NELL1: variants seen among roughly 807,000 people sequenced by gnomAD.
NELL1 encodes neural EGFL like 1, also known as protein kinase C-binding protein NELL1.
A neutral mutation model predicts 107.4 loss-of-function variants in NELL1; 76 were observed. The ratio of observed to expected loss-of-function variants is 0.71; its 90% CI spans 0.59 to 0.86. The LOEUF is 0.86. Ranked by LOEUF, NELL1 falls within the 40% of genes least tolerant of loss-of-function variation. NELL1 has a pLI of 0.00. For missense variants in NELL1, 1,024 were observed against 1,005.5 expected, an observed-to-expected ratio of 1.02 and a Z score of -0.25; for synonymous variants, 353 against 341.2, an observed-to-expected ratio of 1.03 and a Z score of -0.38.
chr11:20,705,250 T>C (rs1219972262), intron 2 of NELL1, among the ~76,000 whole-genome samples: 1 of 152,194 alleles, frequency 6.6e-6, no homozygotes, highest in African/African-American at 2.4e-5. Flanking sequence ...TCACGCTACC[T>C]GACTTCAAAC....
intron 15 of NELL1, among the ~76,000 whole-genome samples, chr11:21,421,600 C>G (rs762340697): frequency 6.6e-6 from 1 of 152,022 alleles, no homozygotes; most frequent in African/African-American, 2.4e-5. Flanking sequence ...CACGTCCCCA[C>G]CCCACAGCAT....
At chr11:20,955,763 T>C (rs552505187) in intron 11 of NELL1, among the ~76,000 whole-genome samples, 1 of 152,228 alleles carries the variant, frequency 6.6e-6, no homozygotes, top group East Asian at 1.9e-4. Flanking sequence ...TTATCATTAT[T>C]ATTTAATAAC....
chr11:21,560,312 A>T lies in NELL1; in HGVS notation c.1910A>T (p.Glu637Val). 7 of 1,613,084 alleles carry T rather than the reference A, an allele frequency of 4.3e-6. No homozygotes were observed. Among genetic ancestry groups the T allele is most frequent in the Non-Finnish European group, 5.9e-6 (7 of 1,179,548 alleles). ...GPSCSGDCPH[E>V]GGLKHNGQVW... ...TCCTGCTCTGGTGACTGTCCTCATG[A>T]AGGGGGGCTGAAGCACAATGGCCAG... Residue 637 changes from glutamate (E) to valine (V), a missense_variant, in exon 17 of 20, where the codon GAA (glutamate) becomes GTA (valine). Physicochemically the swap from Glu to Val is moderately radical, Grantham distance 121 (BLOSUM62 -2). Coordinates refer to ENST00000357134, the MANE Select transcript of NELL1 (RefSeq NM_006157.5).
intron 4 of NELL1, among the ~76,000 whole-genome samples, chr11:20,885,001 C>T (rs1485195543): frequency 6.6e-6 from 1 of 152,164 alleles, no homozygotes; most frequent in Admixed American, 6.5e-5. Context: ...AAACCGAAGT[C>T]GGAGAATAGC....
In NELL1 at chr11:21,502,973, C is replaced by T. The variant is rs568320064; in HGVS notation, c.1646-31401C>T. On this transcript the variant is annotated intron_variant, in intron 15 of 19. Coordinates refer to ENST00000357134, the MANE Select transcript of NELL1 (RefSeq NM_006157.5). ...TCTAGGCTCACCACAACTTCCGCCT[C>T]CCGGGTTCAAGTGATTCTCCTGCCT... Among the ~76,000 whole-genome samples, 9 of 152,262 alleles carry T rather than the reference C, an allele frequency of 5.9e-5. No individual in the cohort carries two copies. In the South Asian group the frequency reaches 1.9e-3, roughly 32 times the overall value.
chr11:20,929,041 C>T (rs1564971925), intron 9 of NELL1, among the ~76,000 whole-genome samples: 1 of 152,198 alleles, frequency 6.6e-6, no homozygotes, highest in Admixed American at 6.5e-5. Flanking sequence ...CTCACAGCAA[C>T]TCTTTAGGGA....
intron 13 of NELL1, among the ~76,000 whole-genome samples, chr11:21,135,046 T>A (rs1198829303): frequency 6.6e-6 from 1 of 152,208 alleles, no homozygotes; most frequent in Non-Finnish European, 1.5e-5. Context: ...ATTATTATAA[T>A]TTCTGTTATT....
intron 4 of NELL1, among the ~76,000 whole-genome samples, chr11:20,848,315 A>T (rs1007200043): frequency 8.6e-5 from 13 of 152,032 alleles, no homozygotes; most frequent in Non-Finnish European, 1.5e-4. Flanking sequence ...TTGTCAGGGG[A>T]TGGTGGGACC....
intron 15 of NELL1, among the ~76,000 whole-genome samples, chr11:21,482,790 C>T (rs1020728002): frequency 3.2e-4 from 49 of 151,226 alleles, no homozygotes; most frequent in Admixed American, 1.5e-3. Context: ...TGTGACAGTG[C>T]CTTTCCTTTT....
chr11:21,036,167 A>T (rs1404482868), intron 12 of NELL1, among the ~76,000 whole-genome samples: 2 of 152,176 alleles, frequency 1.3e-5, no homozygotes, highest in Admixed American at 6.5e-5. Flanking sequence ...ACCTAGGAAT[A>T]CAGCTAACCA....
intron 1 of NELL1, chr11:20,674,705 C>A: frequency 1.6e-6 from 1 of 638,726 alleles, no homozygotes; most frequent in South Asian, 1.9e-5. Flanking sequence ...GTTGTTTCCA[C>A]AATACTTTCT....
At chr11:21,542,360 C>T (rs149005294) in intron 16 of NELL1, among the ~76,000 whole-genome samples, 5 of 152,086 alleles carry the variant, frequency 3.3e-5, no homozygotes, top group Non-Finnish European at 7.4e-5. Flanking sequence ...CAGTGATGGG[C>T]TCATAGGTAG....
chr11:21,499,609 G>C (rs969859926), intron 15 of NELL1, among the ~76,000 whole-genome samples: 1 of 152,100 alleles, frequency 6.6e-6, no homozygotes, highest in Non-Finnish European at 1.5e-5. Context: ...GTTGTGGCAA[G>C]TTGTAAGTTT....
intron 14 of NELL1, among the ~76,000 whole-genome samples, chr11:21,242,236 G>T (rs575763290): frequency 5.3e-5 from 8 of 152,216 alleles, no homozygotes; most frequent in African/African-American, 1.9e-4. Flanking sequence ...CTAATGGTGA[G>T]AGTGGTTGTG....
Position 20,870,255 on chromosome 11 carries a change from T to A in NELL1, c.507-15189T>A, listed in dbSNP as rs530236417. ...AAGTCCAGAATTTAGAATAGCAGTCTCTAACTCTTGGGTTTATTCTTTACC... is the reference window on the plus strand; with the variant it reads ...AAGTCCAGAATTTAGAATAGCAGTCACTAACTCTTGGGTTTATTCTTTACC... On this transcript the variant is annotated intron_variant, in intron 4 of 19. Transcript: ENST00000357134. Among the ~76,000 whole-genome samples, 24 of 152,338 alleles carry A rather than the reference T, an allele frequency of 1.6e-4. No individual in the cohort carries two copies. The South Asian group carries it at 3.1e-3, about 20-fold the overall frequency.
chr11:20,895,115 C>CA lies in NELL1; in HGVS notation c.603+9582dup, dbSNP rs990993597. Among the ~76,000 whole-genome samples, 21 of 143,100 alleles carry CA rather than the reference C, an allele frequency of 1.5e-4. 2 individuals are homozygous for CA. Among genetic ancestry groups the CA allele is most frequent in the African/African-American group, 5.5e-4 (20 of 36,540 alleles). 93.9% of individuals were successfully genotyped at this position (143,100 alleles called of 152,430 possible). A position where few individuals can be genotyped will look rare whatever the true frequency, so the allele number is the denominator to read the frequency against. On this transcript the variant is annotated intron_variant, in intron 5 of 19. Transcript: ENST00000357134. ...TGAAACCCCGTCTCTACTAAAAATA[C>CA]AAAAAAATTAGCCGGGCGTAGTGGC...
chr11:20,733,362 C>T (rs1213451352), intron 2 of NELL1, among the ~76,000 whole-genome samples: 1 of 152,128 alleles, frequency 6.6e-6, no homozygotes, highest in Admixed American at 6.5e-5. Flanking sequence ...TAGAAATTAA[C>T]CTGTAAGTGC....
intron 6 of NELL1, among the ~76,000 whole-genome samples, chr11:20,918,970 G>A (rs1463354375): frequency 6.6e-6 from 1 of 151,846 alleles, no homozygotes; most frequent in Middle Eastern, 3.2e-3. Context: ...CATTTTTTAA[G>A]TTACCTCCCT....
intron 14 of NELL1, among the ~76,000 whole-genome samples, chr11:21,359,124 T>A (rs534663995): frequency 6.6e-6 from 1 of 152,244 alleles, no homozygotes; most frequent in East Asian, 1.9e-4. Context: ...TGTCATAGAT[T>A]GATTTTTTAT....
Sources: allele counts gnomAD v4.1 joint callset (sites outside exome capture counted in the v4.1 genomes callset), GRCh38; gene constraint gnomAD v4.1.1; transcripts MANE v1.5; gene names NCBI Gene and HGNC (gene_info 2026-07-23, HGNC 2026-07-21).